Variants in KCNH1 observed in about 807,000 individuals in gnomAD.
The protein encoded by KCNH1 is potassium voltage-gated channel subfamily H member 1, also known as voltage-gated delayed rectifier potassium channel KCNH1.
Under a neutral mutation model 69.2 loss-of-function variants are expected in KCNH1, and 27 were observed. The ratio of observed to expected loss-of-function variants is 0.39; its 90% CI spans 0.29 to 0.54. KCNH1 has a LOEUF of 0.54. Among genes scored for constraint, KCNH1 ranks in the 20% least tolerant of loss-of-function variants. The probability of loss-of-function intolerance (pLI) is 0.68; values close to 1 mark genes in which losing one functional copy is unlikely to be tolerated. For missense variants in KCNH1, 798 were observed against 1,261.6 expected, an observed-to-expected ratio of 0.63 and a Z score of 5.57; for synonymous variants, 456 against 487.7, an observed-to-expected ratio of 0.93 and a Z score of 0.86.
intron 3 of KCNH1, among the ~76,000 whole-genome samples, chr1:211,096,716 A>T (rs929654243): frequency 6.6e-6 from 1 of 152,204 alleles, no homozygotes; most frequent in Non-Finnish European, 1.5e-5. Flanking sequence ...TGTAATTTCA[A>T]TCAGTCTCAG....
At chr1:211,015,270 T>A (rs1169136420) in intron 6 of KCNH1, among the ~76,000 whole-genome samples, 1 of 152,226 alleles carries the variant, frequency 6.6e-6, no homozygotes, top group South Asian at 2.1e-4. Context: ...TTGACTCAAC[T>A]GTCCTTCATT....
intron 9 of KCNH1, 86 bp from the exon 10 acceptor site, chr1:210,775,630 C>T: frequency 2.0e-6 from 2 of 989,940 alleles, no homozygotes; most frequent in Admixed American, 2.1e-5. Flanking sequence ...CCCAGAATTG[C>T]TGTCCTTTCA....
At chr1:211,021,453 A>C (rs758731938) in intron 5 of KCNH1, among the ~76,000 whole-genome samples, 1 of 152,108 alleles carries the variant, frequency 6.6e-6, no homozygotes, top group Non-Finnish European at 1.5e-5. Context: ...TCAACATAGC[A>C]CTGAAAGTCC....
At chr1:211,045,067 A>T (rs75451738) in intron 5 of KCNH1, among the ~76,000 whole-genome samples, 1 of 82,842 alleles carries the variant, frequency 1.2e-5, no homozygotes. Flanking sequence ...TATGAATAAT[A>T]GAATAGTGGT....
At chr1:210,976,031 C>A (rs866621397) in intron 6 of KCNH1, among the ~76,000 whole-genome samples, 3 of 152,184 alleles carry the variant, frequency 2.0e-5, no homozygotes, top group South Asian at 4.1e-4. Flanking sequence ...CAGAGAAACG[C>A]AAATCAAAAC....
intron 5 of KCNH1, among the ~76,000 whole-genome samples, chr1:211,035,472 T>A (rs1370175779): frequency 2.6e-5 from 4 of 151,690 alleles, no homozygotes; most frequent in Non-Finnish European, 5.9e-5. Flanking sequence ...ATGGTCTCGA[T>A]CTCCTGACCT....
intron 1 of KCNH1, among the ~76,000 whole-genome samples, chr1:211,116,468 T>C (rs1013705083): frequency 1.3e-5 from 2 of 152,204 alleles, no homozygotes; most frequent in African/African-American, 4.8e-5. Flanking sequence ...AAAGAGTTTT[T>C]ATGCAGGCAA....
chr1:210,970,507 T>G (rs1688493672), intron 6 of KCNH1, among the ~76,000 whole-genome samples: 1 of 152,088 alleles, frequency 6.6e-6, no homozygotes, highest in African/African-American at 2.4e-5. Flanking sequence ...CATCTGATCT[T>G]CAACATACCT....
intron 7 of KCNH1, among the ~76,000 whole-genome samples, chr1:210,844,287 C>A (rs1380391089): frequency 1.3e-5 from 2 of 152,266 alleles, no homozygotes; most frequent in East Asian, 3.9e-4. Context: ...TTTTGGGAGA[C>A]CAAGGCAGGT....
chr1:211,079,773 C>T (rs1690815877), intron 5 of KCNH1, among the ~76,000 whole-genome samples: 1 of 152,168 alleles, frequency 6.6e-6, no homozygotes, highest in Non-Finnish European at 1.5e-5. Flanking sequence ...AACAGCCCTT[C>T]ATGCTAAAAA....
rs144706702 is a variant in KCNH1, at chr1:210,684,141, GGAGAGAGA to G, written c.2113-11_2113-4del. 1.6e-6 allele frequency: 2 copies of G among 1,281,366 alleles called. No individual in the cohort carries two copies. The highest frequency in any genetic ancestry group is 1.6e-5 in the South Asian group (1 of 63,162). The allele number at this position is 1,281,366 out of a possible 1,614,324, so 79.4% of individuals were successfully genotyped here. On this transcript the variant is annotated splice_region_variant and splice_polypyrimidine_tract_variant and intron_variant, in intron 10 of 10. Coordinates refer to ENST00000271751, the MANE Select transcript of KCNH1 (RefSeq NM_172362.3). ...TCGCTGATCTTCCGGAACACAATCT[GGAGAGAGA>G]GAGAGAGAGAATGACATGGCGTGTT...
chr1:210,703,591 T>C (rs1681834112), intron 10 of KCNH1, among the ~76,000 whole-genome samples: 1 of 152,238 alleles, frequency 6.6e-6, no homozygotes, highest in African/African-American at 2.4e-5. Context: ...ATGCTACTTA[T>C]TAACATATAT....
At chr1:210,947,365 C>T (rs1380127844) in intron 6 of KCNH1, among the ~76,000 whole-genome samples, 2 of 151,690 alleles carry the variant, frequency 1.3e-5, no homozygotes, top group African/African-American at 2.4e-5. Flanking sequence ...GTCAGGAGAT[C>T]GAGACCATCC....
chr1:210,932,886 A>G (rs1687701618), intron 6 of KCNH1, among the ~76,000 whole-genome samples: 1 of 152,208 alleles, frequency 6.6e-6, no homozygotes, highest in South Asian at 2.1e-4. Context: ...CTAAAGGAAA[A>G]GATAGACCCC....
At chr1:210,782,851 G>A (rs997739841) in intron 9 of KCNH1, among the ~76,000 whole-genome samples, 3 of 152,224 alleles carry the variant, frequency 2.0e-5, no homozygotes, top group African/African-American at 7.2e-5. Flanking sequence ...AACCCTCACA[G>A]GACACCAAAT....
At position 211,050,260 on chromosome 1, in the gene KCNH1, T is replaced by TAAAAAAAAAAAAAAAAAA. The variant is rs747498526; in HGVS notation, c.559-31022_559-31005dup. Among the ~76,000 whole-genome samples, 117 of 58,558 alleles carry TAAAAAAAAAAAAAAAAAA rather than the reference T, an allele frequency of 2.0e-3. 15 individuals carry two copies. Among genetic ancestry groups the TAAAAAAAAAAAAAAAAAA allele is most frequent in the African/African-American group, 2.2e-3 (31 of 14,158 alleles). 38.4% of individuals were successfully genotyped at this position (58,558 alleles called of 152,430 possible). ...AGGACAAACTCAGCCCACACATTCT[T>TAAAAAAAAAAAAAAAAAA]AAAAAAAAAAAAAAAAAAAAAAAAA... On this transcript the variant is annotated intron_variant, in intron 5 of 10. Transcript: ENST00000271751.
intron 10 of KCNH1, among the ~76,000 whole-genome samples, chr1:210,693,847 T>C (rs1681578743): frequency 6.6e-6 from 1 of 152,146 alleles, no homozygotes; most frequent in African/African-American, 2.4e-5. Context: ...GGGAGACGCA[T>C]GCTAACTAAC....
chr1:210,860,323 T>G, intron 7 of KCNH1: 2 of 1,372,986 alleles, frequency 1.5e-6, no homozygotes, highest in Admixed American at 3.3e-5. Context: ...AGAGATGTCC[T>G]CATAGAATTC....
At chr1:211,103,386 G>T (rs536842355) in intron 3 of KCNH1, 110 bp downstream of exon 3, 434 of 644,932 alleles carry the variant, frequency 6.7e-4, no homozygotes, top group Non-Finnish European at 1.1e-3. Context: ...TCAAGTAACA[G>T]CATTTAGCTG....
Sources: gnomAD v4.1 joint callset for allele counts (sites outside exome capture counted in the v4.1 genomes callset) on GRCh38, gnomAD v4.1.1 for gene constraint, MANE v1.5 for transcripts, NCBI Gene and HGNC (gene_info 2026-07-23, HGNC 2026-07-21) for gene names.